PALM2AKAP2: variants seen among roughly 807,000 people sequenced by gnomAD.
PALM2AKAP2 encodes PALM2 and AKAP2 fusion, also known as PALM2-AKAP2 fusion protein.
Under a neutral mutation model 71.5 loss-of-function variants are expected in PALM2AKAP2, and 37 were observed. That is an observed-to-expected ratio of 0.52 (90% CI 0.40 to 0.68). The LOEUF is 0.68. PALM2AKAP2 is among the 30% of genes least tolerant of loss of function. PALM2AKAP2 has a pLI of 0.00. For missense variants in PALM2AKAP2, 1,224 were observed against 1,191.8 expected (o/e 1.03, Z -0.40); for synonymous variants, 468 against 478.8 (o/e 0.98, Z 0.29).
intron 6 of PALM2AKAP2, among the ~76,000 whole-genome samples, chr9:110,009,894 C>T (rs1244239956): frequency 2.0e-5 from 3 of 152,014 alleles, no homozygotes; most frequent in Admixed American, 2.0e-4. Context: ...CTCTGTCTGC[C>T]CTCACATGCA....
chr9:109,823,600 G>C (rs1187833425), intron 1 of PALM2AKAP2, among the ~76,000 whole-genome samples: 1 of 152,160 alleles, frequency 6.6e-6, no homozygotes, highest in Non-Finnish European at 1.5e-5. Flanking sequence ...TGTGGCTGGA[G>C]ATACAGAAGA....
intron 1 of PALM2AKAP2, among the ~76,000 whole-genome samples, chr9:109,748,257 CT>C (rs1828833095): frequency 6.6e-6 from 1 of 152,074 alleles, no homozygotes; most frequent in Non-Finnish European, 1.5e-5. Context: ...CAAATACCCC[CT>C]ATACTCTTTC....
intron 1 of PALM2AKAP2, among the ~76,000 whole-genome samples, chr9:109,667,474 C>A (rs1324905150): frequency 2.6e-5 from 4 of 152,136 alleles, no homozygotes; most frequent in Non-Finnish European, 4.4e-5. Flanking sequence ...ACGAAGGAAA[C>A]AAACAAGCAA....
chr9:109,773,159 G>A (rs73531269), intron 1 of PALM2AKAP2, among the ~76,000 whole-genome samples: 13,090 of 151,852 alleles, frequency 0.086, 756 homozygotes, highest in Admixed American at 0.15. Flanking sequence ...TTTTGATATG[G>A]GGTTCTCATT....
intron 1 of PALM2AKAP2, among the ~76,000 whole-genome samples, chr9:109,655,206 G>A (rs1169911805): frequency 6.6e-6 from 1 of 151,322 alleles, no homozygotes; most frequent in Non-Finnish European, 1.5e-5. Flanking sequence ...TGAGGCAGGA[G>A]AATGGCATGA....
At chr9:110,156,252 G>T in intron 2 of PALM2AKAP2, 67 bp from the exon 9 acceptor site, 1 of 1,467,820 alleles carries the variant, frequency 6.8e-7, no homozygotes, top group Admixed American at 2.5e-5. Flanking sequence ...TTATTTGCCA[G>T]TTTTCTTTCT....
intron 1 of PALM2AKAP2, among the ~76,000 whole-genome samples, chr9:109,860,886 A>C (rs922106990): frequency 1.3e-5 from 2 of 152,230 alleles, no homozygotes; most frequent in African/African-American, 4.8e-5. Flanking sequence ...GGTTTGGGGC[A>C]AGGAAACAAG....
At chr9:109,913,137 C>A (rs918813043) in intron 3 of PALM2AKAP2, among the ~76,000 whole-genome samples, 10 of 152,194 alleles carry the variant, frequency 6.6e-5, no homozygotes, top group African/African-American at 2.2e-4. Flanking sequence ...CACCTTAGCC[C>A]CTGTCCCCAC....
Position 110,069,099 on chromosome 9 carries a change from T to C in PALM2AKAP2, c.156+20244T>C, listed in dbSNP as rs140811738. 3.7e-3 allele frequency among the ~76,000 whole-genome samples: 558 copies of C among 152,322 alleles called. 4 individuals are homozygous for C. Among genetic ancestry groups the C allele is most frequent in the African/African-American group, 0.013 (531 of 41,564 alleles). ...TCAAAGGTCTCTAAGAAGAAGAGGTTGTGGGGAAAGAGCCCAGTAGAGGTA... is the reference window on the plus strand; with the variant it reads ...TCAAAGGTCTCTAAGAAGAAGAGGTCGTGGGGAAAGAGCCCAGTAGAGGTA... On this transcript the variant is annotated intron_variant, in intron 1 of 3. Transcript: ENST00000374525.
intron 1 of PALM2AKAP2, among the ~76,000 whole-genome samples, chr9:109,705,467 A>G (rs1041313750): frequency 6.6e-6 from 1 of 151,996 alleles, no homozygotes; most frequent in East Asian, 1.9e-4. Flanking sequence ...TGTGTCCCCC[A>G]CTTCTTCCTG....
At chr9:109,671,532 A>G (rs1045826151) in intron 1 of PALM2AKAP2, among the ~76,000 whole-genome samples, 4 of 152,142 alleles carry the variant, frequency 2.6e-5, no homozygotes, top group African/African-American at 9.7e-5. Flanking sequence ...GAAGTCAGGT[A>G]GTGTGATGCC....
chr9:110,090,557 C>A, intron 1 of PALM2AKAP2: 1 of 386,340 alleles, frequency 2.6e-6, no homozygotes, highest in South Asian at 1.9e-5. Context: ...ATTGAGTCAC[C>A]CAGAGAGAAA....
chr9:110,137,925 A>G (rs1182126807), exon 2 of PALM2AKAP2: 9 of 1,614,022 alleles, frequency 5.6e-6, no homozygotes, highest in Non-Finnish European at 7.6e-6. Context: ...CCGTTGGTTG[A>G]TGACCCCTTG....
chr9:109,935,945 C>T (rs543390951), intron 6 of PALM2AKAP2, among the ~76,000 whole-genome samples: 1 of 152,192 alleles, frequency 6.6e-6, no homozygotes, highest in Non-Finnish European at 1.5e-5. Context: ...AAAATAGAAG[C>T]AAAATCAGAC....
At chr9:109,746,324 A>G (rs962505712) in intron 1 of PALM2AKAP2, among the ~76,000 whole-genome samples, 1 of 152,204 alleles carries the variant, frequency 6.6e-6, no homozygotes, top group Non-Finnish European at 1.5e-5. Flanking sequence ...TCACTTAGAA[A>G]AGCTAGCCAG....
rs574235497 is a variant in PALM2AKAP2, at chr9:109,747,381, A to G, written c.6-33107A>G. Among the ~76,000 whole-genome samples the G allele has an allele frequency of 3.9e-5, 6 of 152,270 alleles. No individual in the cohort carries two copies. In the South Asian group the frequency reaches 1.2e-3, roughly 32 times the overall value. ...ACTCTAGAAATGTTTGTTAAAATAT[A>G]TTCTATTCAATTTCTAGTAATGGTT... On this transcript the variant is annotated intron_variant, in intron 1 of 6. Coordinates refer to the PALM2AKAP2 transcript ENST00000374531.
At chr9:109,750,063 A>G (rs572057017) in intron 1 of PALM2AKAP2, among the ~76,000 whole-genome samples, 1 of 152,330 alleles carries the variant, frequency 6.6e-6, no homozygotes, top group South Asian at 2.1e-4. Context: ...AAAAATACAG[A>G]AATTGAAATT....
At chr9:109,874,108 G>C (rs908267585) in intron 2 of PALM2AKAP2, among the ~76,000 whole-genome samples, 1 of 152,142 alleles carries the variant, frequency 6.6e-6, no homozygotes, top group African/African-American at 2.4e-5. Context: ...TTTTATATTT[G>C]CTAAAGTACA....
At chr9:109,849,792 G>A (rs1048814701) in intron 1 of PALM2AKAP2, among the ~76,000 whole-genome samples, 3 of 151,794 alleles carry the variant, frequency 2.0e-5, no homozygotes, top group African/African-American at 4.8e-5. Flanking sequence ...ACAAATAAAC[G>A]GAAAGAGAGA....
Sources: allele counts gnomAD v4.1 joint callset (sites outside exome capture counted in the v4.1 genomes callset), GRCh38; gene constraint gnomAD v4.1.1; transcripts MANE v1.5; gene names NCBI Gene and HGNC (gene_info 2026-07-23, HGNC 2026-07-21).